Variants in SKIL observed in about 807,000 individuals in gnomAD.
SKIL encodes ski-like protein.
SKIL carries 20 observed loss-of-function variants against 69.6 expected under a neutral mutation model. That is an observed-to-expected ratio of 0.29 (90% CI 0.20 to 0.42). The LOEUF (loss-of-function observed/expected upper bound fraction) is 0.42, where lower values mean the gene tolerates loss of function less well. Among genes scored for constraint, SKIL ranks in the 10% least tolerant of loss-of-function variants. The pLI is 1.00. For missense variants in SKIL, 745 were observed against 783.1 expected, an observed-to-expected ratio of 0.95 and a Z score of 0.58; for synonymous variants, 310 against 279.9, an observed-to-expected ratio of 1.11 and a Z score of -1.08.
chr3:170,371,041 A>G (rs1736778623), intron 2 of SKIL, among the ~76,000 whole-genome samples: 1 of 152,240 alleles, frequency 6.6e-6, no homozygotes, highest in Non-Finnish European at 1.5e-5. Flanking sequence ...TGTGATTATG[A>G]AAACAATATA....
Position 170,360,167 on chromosome 3 carries a change from C to A in SKIL, c.-165C>A. On this transcript the variant is annotated 5_prime_UTR_variant, in exon 2 of 7. Coordinates refer to ENST00000259119, the MANE Select transcript of SKIL (RefSeq NM_005414.5). Reference sequence around the variant, plus strand: ...AATTATACCAGATTATAAGGAGAACCAAAACTAAGTCGCAAAATTTATTAA... The same window carrying A: ...AATTATACCAGATTATAAGGAGAACAAAAACTAAGTCGCAAAATTTATTAA... 2 of 633,266 alleles carry A rather than the reference C, an allele frequency of 3.2e-6. No individual in the cohort carries two copies. The highest frequency in any genetic ancestry group is 5.3e-6 in the Non-Finnish European group (2 of 380,110). The allele number at this position is 633,266 out of a possible 1,614,324, so 39.2% of individuals were successfully genotyped here. A position where few individuals can be genotyped will look rare whatever the true frequency, so the allele number is the denominator to read the frequency against.
At chr3:170,373,647 G>C (rs548508785) in intron 2 of SKIL, among the ~76,000 whole-genome samples, 2 of 152,206 alleles carry the variant, frequency 1.3e-5, no homozygotes, top group South Asian at 4.1e-4. Context: ...AAAAATTAGA[G>C]TGCCACCTAA....
intron 4 of SKIL, among the ~76,000 whole-genome samples, chr3:170,385,257 A>T (rs1433200087): frequency 3.9e-4 from 54 of 136,722 alleles, no homozygotes; most frequent in Middle Eastern, 3.7e-3. Flanking sequence ...AAAAAAAAAA[A>T]TTTTTTTTTT....
In SKIL at chr3:170,390,385, T is replaced by C. The variant is rs762088937; in HGVS notation, c.1592T>C (p.Met531Thr). 6.2e-7 allele frequency: 1 copy of C among 1,613,814 alleles called. No individual in the cohort carries two copies. Among genetic ancestry groups the C allele is most frequent in the South Asian group, 1.1e-5 (1 of 91,082 alleles). Residue 531 changes from methionine to threonine, a missense_variant, in exon 5 of 7, where the codon ATG becomes ACG. Coordinates refer to ENST00000259119, the MANE Select transcript of SKIL (RefSeq NM_005414.5). The part of the protein sequence containing the change: ...VICEDDKGKI[M>T]EEVMRTYLKQ... Reference sequence around the variant, plus strand: ...TGTGAGGATGATAAGGGAAAAATCATGGAAGAAGTAATGAGAACTTATTTA... The same window carrying C: ...TGTGAGGATGATAAGGGAAAAATCACGGAAGAAGTAATGAGAACTTATTTA...
chr3:170,360,602 G>A lies in SKIL; in HGVS notation c.271G>A (p.Ala91Thr). The A allele has an allele frequency of 6.2e-7, 1 of 1,614,154 alleles. No homozygotes were observed. Among genetic ancestry groups the A allele is most frequent in the Non-Finnish European group, 8.5e-7 (1 of 1,180,048 alleles). The change falls in exon 2 of 7, where the codon GCA (alanine) becomes ACA (threonine). Residue 91 changes from alanine (A) to threonine (T), a missense_variant. Ala to Thr is a moderately conservative substitution (Grantham distance 58). Coordinates refer to ENST00000259119, the MANE Select transcript of SKIL (RefSeq NM_005414.5). Reference protein sequence around the residue: ...HLNPSLKHTLAQFHLSSQSSL... With the variant: ...HLNPSLKHTLTQFHLSSQSSL... ...AAATCCCAGTTTGAAACACACATTG[G>A]CACAATTCCATTTAAGTAGTCAGAG...
In SKIL at chr3:170,384,549, T is replaced by A; in HGVS notation, c.1213T>A (p.Cys405Ser). The A allele has an allele frequency of 6.3e-7, 1 of 1,579,774 alleles. No individual in the cohort carries two copies. The highest frequency in any genetic ancestry group is 1.1e-5 in the South Asian group (1 of 89,086). Residue 405 changes from cysteine (C) to serine (S), a missense_variant, in exon 4 of 7, where the codon TGT becomes AGT. Coordinates refer to ENST00000259119, the MANE Select transcript of SKIL (RefSeq NM_005414.5). ...FLHPSYYLYM[C>S]DKVVAPNVSL... ...TGTTTTCAGCTACTACTTATACATG[T>A]GTGATAAAGTGGTTGCCCCAAATGT...
chr3:170,396,835 ATT>A (rs986630375), downstream of SKIL: 1 of 152,246 alleles, frequency 6.6e-6, no homozygotes, highest in African/African-American at 2.4e-5. Context: ...TGCCAATTAA[ATT>A]TGATTCAAGT....
intron 3 of SKIL, 57 bp downstream of exon 3, chr3:170,381,398 T>A (rs1291442108): frequency 1.2e-6 from 1 of 834,986 alleles, no homozygotes; most frequent in African/African-American, 1.7e-5. Context: ...AACAACTATA[T>A]GCCATGCACT....
chr3:170,380,155 A>G (rs770218038), intron 2 of SKIL, among the ~76,000 whole-genome samples: 2 of 152,104 alleles, frequency 1.3e-5, no homozygotes, highest in African/African-American at 2.4e-5. Context: ...TATATTTATT[A>G]GGAAATATAG....
intron 2 of SKIL, among the ~76,000 whole-genome samples, chr3:170,364,457 G>A (rs564632187): frequency 5.6e-4 from 85 of 150,618 alleles, no homozygotes; most frequent in East Asian, 2.1e-3. Context: ...CCAAGTAGCC[G>A]GGGTTACAGG....
intron 5 of SKIL, 32 bp downstream of exon 5, chr3:170,390,496 T>C (rs747508959): frequency 6.3e-7 from 1 of 1,579,370 alleles, no homozygotes; most frequent in South Asian, 1.1e-5. Context: ...TAGTCCATTA[T>C]GAAAAGATAC....
intron 2 of SKIL, among the ~76,000 whole-genome samples, chr3:170,374,898 G>GT (rs1736958618): frequency 2.0e-5 from 3 of 152,304 alleles, no homozygotes; most frequent in South Asian, 2.1e-4. Context: ...GCTTCATGGA[G>GT]TAGAGGGATA....
chr3:170,367,463 CTTT>C (rs34321865), intron 2 of SKIL, among the ~76,000 whole-genome samples: 3 of 68,540 alleles, frequency 4.4e-5, no homozygotes, highest in Admixed American at 1.9e-4. Flanking sequence ...TATATATACC[CTTT>C]TTTTTTTTTT....
chr3:170,358,397 TC>T (rs1736047703), intron 1 of SKIL: 1 of 152,258 alleles, frequency 6.6e-6, no homozygotes, highest in African/African-American at 2.4e-5. Context: ...TCCCTTTACT[TC>T]CCTCCACCCC....
At chr3:170,363,059 T>C (rs1736324863) in intron 2 of SKIL, among the ~76,000 whole-genome samples, 1 of 152,094 alleles carries the variant, frequency 6.6e-6, no homozygotes, top group Non-Finnish European at 1.5e-5. Flanking sequence ...GCAAACATTA[T>C]TCTTGAGCAG....
chr3:170,378,849 TTTTATTTATTTA>T (rs72498372), intron 2 of SKIL, among the ~76,000 whole-genome samples: 29 of 142,832 alleles, frequency 2.0e-4, no homozygotes, highest in South Asian at 6.8e-4. Flanking sequence ...TTGGAGCTTC[TTTTATTTATTTA>T]TTTATTTATT....
rs762246039 is a variant in SKIL, at chr3:170,361,049, C to T, written c.718C>T (p.Pro240Ser). 17 of 1,614,096 alleles carry T rather than the reference C, an allele frequency of 1.1e-5. No individual in the cohort carries two copies. The Admixed American group carries it at 1.8e-4, about 17-fold the overall frequency. ...TGCTTTATTGCGGCCACGAACTTTT[C>T]CTCAAAATGGTAGCGTACTTCCTGC... ...CNALLRPRTF[P>S]QNGSVLPAKS... Residue 240 changes from proline to serine, a missense_variant, in exon 2 of 7, where the codon CCT becomes TCT. Physicochemically the swap from Pro to Ser is moderately conservative, Grantham distance 74 (BLOSUM62 -1). Transcript: ENST00000259119.
intron 4 of SKIL, among the ~76,000 whole-genome samples, chr3:170,389,535 C>G (rs1737806762): frequency 1.3e-5 from 2 of 151,344 alleles, no homozygotes; most frequent in South Asian, 4.2e-4. Flanking sequence ...AGGATGGTCT[C>G]AATCTCCTGA....
intron 2 of SKIL, among the ~76,000 whole-genome samples, chr3:170,374,782 T>C (rs1244973053): frequency 1.3e-5 from 2 of 152,228 alleles, no homozygotes; most frequent in South Asian, 2.1e-4. Context: ...TAAAATTAGC[T>C]TGCAACATTT....
Sources: allele counts gnomAD v4.1 joint callset (sites outside exome capture counted in the v4.1 genomes callset), GRCh38; gene constraint gnomAD v4.1.1; transcripts MANE v1.5; gene names NCBI Gene and HGNC (gene_info 2026-07-23, HGNC 2026-07-21).